GRM5: variants seen among roughly 807,000 people sequenced by gnomAD.
GRM5 encodes the protein glutamate metabotropic receptor 5, also known as metabotropic glutamate receptor 5.
In GRM5, 19 loss-of-function variants were observed where a neutral mutation model predicts 83.1. The ratio of observed to expected loss-of-function variants is 0.23; its 90% CI spans 0.16 to 0.34. GRM5 has a LOEUF of 0.34. GRM5 is among the 10% of genes least tolerant of loss of function. The pLI is 1.00. For missense variants in GRM5, 1,160 were observed against 1,588.3 expected, an observed-to-expected ratio of 0.73 and a Z score of 4.58; for synonymous variants, 675 against 633.6, an observed-to-expected ratio of 1.07 and a Z score of -0.98.
chr11:88,990,151 T>G (rs1258647563), intron 2 of GRM5, among the ~76,000 whole-genome samples: 2 of 143,340 alleles, frequency 1.4e-5, no homozygotes, highest in South Asian at 2.3e-4. Context: ...AAGAATCAAA[T>G]AGATGCAATA....
At chr11:88,776,929 T>G (rs1416487951) in intron 3 of GRM5, among the ~76,000 whole-genome samples, 2 of 152,222 alleles carry the variant, frequency 1.3e-5, no homozygotes, top group Non-Finnish European at 2.9e-5. Context: ...GGGGTTGCTC[T>G]TCTTGAGGAG....
At chr11:88,978,250 A>G (rs1466068515) in intron 2 of GRM5, among the ~76,000 whole-genome samples, 1 of 152,094 alleles carries the variant, frequency 6.6e-6, no homozygotes, top group Admixed American at 6.6e-5. Flanking sequence ...ATAATAATAA[A>G]CAAGAAAGCT....
At chr11:88,804,359 A>G (rs1288206165) in intron 3 of GRM5, among the ~76,000 whole-genome samples, 1 of 149,296 alleles carries the variant, frequency 6.7e-6, no homozygotes, top group Non-Finnish European at 1.5e-5. Flanking sequence ...TGCAGCCATA[A>G]AAAATGATGA....
At position 88,506,288 on chromosome 11, in the gene GRM5, C is replaced by T. The variant is rs60954128; in HGVS notation, c.*2304G>A. ...AACAAAGTTTAAACATGTTCTTCAA[C>T]TGGTCTAGAGTGAAACGTATTGTAC... On this transcript the variant is annotated 3_prime_UTR_variant, in exon 10 of 10. Coordinates refer to ENST00000305447, the MANE Select transcript of GRM5 (RefSeq NM_001143831.3). 0.17 allele frequency: 26,327 copies of T among 152,020 alleles called. 2,410 individuals are homozygous for T. The highest frequency in any genetic ancestry group is 0.21 in the South Asian group (1,015 of 4,812). 9.4% of individuals were successfully genotyped at this position (152,020 alleles called of 1,614,324 possible).
chr11:88,680,681 G>A (rs899431402), intron 3 of GRM5, among the ~76,000 whole-genome samples: 5 of 152,144 alleles, frequency 3.3e-5, no homozygotes, highest in Admixed American at 1.3e-4. Flanking sequence ...ACAGGCACAC[G>A]TATGTTATTG....
chr11:88,576,397 A>C (rs954977961), intron 7 of GRM5, among the ~76,000 whole-genome samples: 1 of 152,082 alleles, frequency 6.6e-6, no homozygotes, highest in African/African-American at 2.4e-5. Flanking sequence ...AGAGGAGGAG[A>C]CTGTTTCTTT....
chr11:88,719,433 T>C (rs1004942630), intron 3 of GRM5, among the ~76,000 whole-genome samples: 1 of 152,126 alleles, frequency 6.6e-6, no homozygotes, highest in African/African-American at 2.4e-5. Flanking sequence ...ATGGTGTATA[T>C]GTATCACATT....
chr11:88,523,332 TA>T (rs1187560637), intron 9 of GRM5, among the ~76,000 whole-genome samples: 1 of 152,204 alleles, frequency 6.6e-6, no homozygotes, highest in Non-Finnish European at 1.5e-5. Context: ...ACTCCAGTTT[TA>T]GACCTCAAAT....
intron 2 of GRM5, among the ~76,000 whole-genome samples, chr11:88,885,450 G>GTTTTTTTTTTTTTTTTTTTTTTTTTTTT (rs61456975): frequency 3.2e-5 from 2 of 62,664 alleles, no homozygotes; most frequent in African/African-American, 1.2e-4. Flanking sequence ...TAGGTACCAT[G>GTTTTTTTTTTTTTTTTTTTTTTTTTTTT]TTTTTTTTTT....
Position 88,950,612 on chromosome 11 carries a change from A to G in GRM5, c.661+96600T>C, listed in dbSNP as rs180921179. On this transcript the variant is annotated intron_variant, in intron 2 of 9. Coordinates refer to ENST00000305447, the MANE Select transcript of GRM5 (RefSeq NM_001143831.3). ...CTTTGACATGTGACAATTCATTATT[A>G]GAATGGCAAAAAGAAGTGCAAGACT... Among the ~76,000 whole-genome samples the G allele has an allele frequency of 4.2e-3, 634 of 152,332 alleles. 7 individuals carry two copies. Among genetic ancestry groups the G allele is most frequent in the African/African-American group, 0.014 (591 of 41,568 alleles).
At chr11:88,721,945 A>T (rs1257452474) in intron 3 of GRM5, among the ~76,000 whole-genome samples, 2 of 152,168 alleles carry the variant, frequency 1.3e-5, no homozygotes, top group African/African-American at 4.8e-5. Context: ...TTCCAGAAAA[A>T]CAGACTGGGG....
chr11:88,666,457 C>T (rs747094106), intron 3 of GRM5, among the ~76,000 whole-genome samples: 1 of 152,078 alleles, frequency 6.6e-6, no homozygotes, highest in South Asian at 2.1e-4. Context: ...GAGAATCAAT[C>T]GAGTCTCTCA....
At chr11:89,021,634 A>T (rs1467167121) in intron 2 of GRM5, among the ~76,000 whole-genome samples, 1 of 152,208 alleles carries the variant, frequency 6.6e-6, no homozygotes, top group Non-Finnish European at 1.5e-5. Flanking sequence ...CTGGAGACAG[A>T]TATGTTAAAA....
At chr11:88,510,046 T>C (rs1941323125) in intron 9 of GRM5, among the ~76,000 whole-genome samples, 1 of 152,210 alleles carries the variant, frequency 6.6e-6, no homozygotes, top group Admixed American at 6.5e-5. Context: ...AGTTGGTATA[T>C]ATATAACTAG....
At chr11:88,525,839 C>A (rs1941861048) in intron 8 of GRM5, among the ~76,000 whole-genome samples, 1 of 152,176 alleles carries the variant, frequency 6.6e-6, no homozygotes, top group South Asian at 2.1e-4. Flanking sequence ...GTTATCATTT[C>A]CATTTTACTG....
intron 4 of GRM5, among the ~76,000 whole-genome samples, chr11:88,609,927 G>C (rs1366400094): frequency 6.6e-6 from 1 of 152,114 alleles, no homozygotes; most frequent in African/African-American, 2.4e-5. Flanking sequence ...AATGGTAGGA[G>C]TCCAATTTCA....
chr11:89,018,367 C>T (rs1349939231), intron 2 of GRM5, among the ~76,000 whole-genome samples: 1 of 152,078 alleles, frequency 6.6e-6, no homozygotes, highest in Non-Finnish European at 1.5e-5. Context: ...TGTACTGTGG[C>T]GAGATCCCTC....
chr11:88,718,751 A>G (rs1015578530), intron 3 of GRM5, among the ~76,000 whole-genome samples: 3 of 151,744 alleles, frequency 2.0e-5, no homozygotes, highest in African/African-American at 7.3e-5. Flanking sequence ...TTTTTCTATA[A>G]TTTTCTATAA....
At chr11:88,737,010 G>A (rs1941928201) in intron 3 of GRM5, among the ~76,000 whole-genome samples, 1 of 152,024 alleles carries the variant, frequency 6.6e-6, no homozygotes, top group African/African-American at 2.4e-5. Flanking sequence ...AAACCAGTAA[G>A]TTATCTAAAC....
Sources: allele counts gnomAD v4.1 joint callset (sites outside exome capture counted in the v4.1 genomes callset), GRCh38; gene constraint gnomAD v4.1.1; transcripts MANE v1.5; gene names NCBI Gene and HGNC (gene_info 2026-07-23, HGNC 2026-07-21).